TRIM24: variants seen among roughly 807,000 people sequenced by gnomAD.
The protein encoded by TRIM24 is transcription intermediary factor 1-alpha.
Under a neutral mutation model 123.9 loss-of-function variants are expected in TRIM24, and 29 were observed. That is an observed-to-expected ratio of 0.23 (90% CI 0.17 to 0.32). TRIM24 has a LOEUF of 0.32. Among genes scored for constraint, TRIM24 ranks in the 10% least tolerant of loss-of-function variants. TRIM24 has a pLI of 1.00. For synonymous variants in TRIM24, 456 were observed against 461.1 expected, an observed-to-expected ratio of 0.99 and a Z score of 0.14; for missense variants, 932 against 1,295.3, an observed-to-expected ratio of 0.72 and a Z score of 4.31.
chr7:138,492,194 C>T (rs1331720171), intron 1 of TRIM24, among the ~76,000 whole-genome samples: 1 of 141,720 alleles, frequency 7.1e-6, no homozygotes, highest in Non-Finnish European at 1.5e-5. Flanking sequence ...AACACTTGAG[C>T]CTAGGAGGTG....
chr7:138,486,885 G>A (rs1030586378), intron 1 of TRIM24, among the ~76,000 whole-genome samples: 1 of 152,174 alleles, frequency 6.6e-6, no homozygotes, highest in Non-Finnish European at 1.5e-5. Context: ...ACAGTCATTG[G>A]TAACTTGATG....
At chr7:138,571,073 T>C (rs914230910) in intron 11 of TRIM24, 70 bp downstream of exon 11, 5 of 1,489,580 alleles carry the variant, frequency 3.4e-6, no homozygotes, top group Non-Finnish European at 4.6e-6. Context: ...CTCACTCCTG[T>C]AATCCCAGCA....
intron 1 of TRIM24, among the ~76,000 whole-genome samples, chr7:138,489,438 A>G (rs1283252894): frequency 1.3e-5 from 2 of 152,156 alleles, no homozygotes; most frequent in African/African-American, 4.8e-5. Flanking sequence ...GTTTCTTCCT[A>G]GCATCGATGG....
intron 1 of TRIM24, among the ~76,000 whole-genome samples, chr7:138,468,835 T>C (rs1795208362): frequency 6.6e-6 from 1 of 152,226 alleles, no homozygotes; most frequent in African/African-American, 2.4e-5. Context: ...TTCAGCTCCC[T>C]TCTCCCAAGT....
intron 7 of TRIM24, among the ~76,000 whole-genome samples, chr7:138,543,883 A>G (rs754760724): frequency 2.0e-5 from 3 of 152,100 alleles, no homozygotes; most frequent in Non-Finnish European, 2.9e-5. Flanking sequence ...CGCCTAGGCT[A>G]GAGTGCAGTG....
intron 1 of TRIM24, chr7:138,461,375 T>C (rs1794968384): frequency 5.0e-6 from 2 of 403,802 alleles, no homozygotes; most frequent in African/African-American, 2.1e-5. Context: ...GGGATGAAGA[T>C]GAAGTGATGG....
chr7:138,514,328 G>A (rs1326850758), intron 2 of TRIM24: 1 of 152,186 alleles, frequency 6.6e-6, no homozygotes, highest in Admixed American at 6.5e-5. Flanking sequence ...TGTAGCCATT[G>A]TGACATAAAA....
At position 138,575,249 on chromosome 7, in the gene TRIM24, A is replaced by G. The variant is rs576907151; in HGVS notation, c.2015-1124A>G. Among the ~76,000 whole-genome samples, 7 of 152,302 alleles carry G rather than the reference A, an allele frequency of 4.6e-5. No homozygotes were observed. In the East Asian group the frequency reaches 1.2e-3, roughly 25 times the overall value. On this transcript the variant is annotated intron_variant, in intron 12 of 18. Transcript: ENST00000343526. ...ATGTTATATATTTTTATAGTTTTCA[A>G]CTATTCTAAAATGAAGCATGTATTC...
chr7:138,489,445 ATGGTCT>A (rs1307811123), intron 1 of TRIM24, among the ~76,000 whole-genome samples: 1 of 152,128 alleles, frequency 6.6e-6, no homozygotes, highest in Non-Finnish European at 1.5e-5. Context: ...CCTAGCATCG[ATGGTCT>A]TTACAATTTG....
intron 6 of TRIM24, 151 bp from the exon 7 acceptor site, chr7:138,538,506 C>T: frequency 1.1e-6 from 1 of 891,740 alleles, no homozygotes; most frequent in Non-Finnish European, 1.7e-6. Context: ...GAAAGTGATC[C>T]TTTATACTAA....
intron 1 of TRIM24, among the ~76,000 whole-genome samples, chr7:138,503,329 A>G (rs1796080627): frequency 6.6e-6 from 1 of 152,152 alleles, no homozygotes. Context: ...CATCATGAAC[A>G]TGCTTTCTTC....
At chr7:138,513,712 T>G (rs999723501) in intron 2 of TRIM24, among the ~76,000 whole-genome samples, 2 of 152,182 alleles carry the variant, frequency 1.3e-5, no homozygotes, top group Non-Finnish European at 2.9e-5. Context: ...CAGTTCAGCA[T>G]GAGATTTGGG....
intron 7 of TRIM24, among the ~76,000 whole-genome samples, chr7:138,539,734 T>C (rs1796964618): frequency 6.6e-6 from 1 of 152,006 alleles, no homozygotes; most frequent in South Asian, 2.1e-4. Flanking sequence ...TTATAAATAC[T>C]GTAGTGTAAC....
At chr7:138,525,782 G>A (rs1277678575) in intron 5 of TRIM24, among the ~76,000 whole-genome samples, 4 of 152,088 alleles carry the variant, frequency 2.6e-5, no homozygotes, top group Admixed American at 2.6e-4. Context: ...CAAACAGGTG[G>A]AAATTTTAAG....
chr7:138,553,101 G>C (rs1797244780), intron 8 of TRIM24, among the ~76,000 whole-genome samples: 3 of 152,178 alleles, frequency 2.0e-5, no homozygotes, highest in Admixed American at 2.0e-4. Flanking sequence ...GGATCTCCTA[G>C]TCTAATAGTT....
intron 2 of TRIM24, among the ~76,000 whole-genome samples, chr7:138,508,690 T>TGCGCGCGCGCGC (rs371514737): frequency 4.7e-5 from 5 of 106,094 alleles, no homozygotes; most frequent in Admixed American, 2.0e-4. Flanking sequence ...TGTGTGTGTG[T>TGCGCGCGCGCGC]GTGCGCGCGC....
intron 3 of TRIM24, among the ~76,000 whole-genome samples, chr7:138,516,345 G>T (rs1480307347): frequency 1.3e-5 from 2 of 152,054 alleles, no homozygotes; most frequent in Non-Finnish European, 2.9e-5. Context: ...TCTTCCCCTA[G>T]CTCCTAGTAA....
chr7:138,523,478 G>A lies in TRIM24; in HGVS notation c.765-1763G>A, dbSNP rs759057212. Among the ~76,000 whole-genome samples the A allele has an allele frequency of 8.3e-4, 126 of 152,122 alleles. 1 individual carries two copies. Among genetic ancestry groups the A allele is most frequent in the Non-Finnish European group, 1.3e-3 (87 of 68,024 alleles). ...AAGGCAAAAATAGCCCCTTTTGGCC[G>A]GGCGAGGTGGCTCACGCCTGTAATC... On this transcript the variant is annotated intron_variant, in intron 4 of 18. Coordinates refer to ENST00000343526, the MANE Select transcript of TRIM24 (RefSeq NM_015905.3).
At position 138,519,276 on chromosome 7, in the gene TRIM24, A is replaced by G. The variant is rs1367169068; in HGVS notation, c.719A>G (p.Lys240Arg). Reference protein sequence around the residue: ...QLKLYCETCDKLTCRDCQLLE... With the variant: ...QLKLYCETCDRLTCRDCQLLE... ...AAGCTGTACTGTGAGACATGTGACAAACTGACATGTCGAGACTGTCAGTTG... is the reference window on the plus strand; with the variant it reads ...AAGCTGTACTGTGAGACATGTGACAGACTGACATGTCGAGACTGTCAGTTG... The change falls in exon 4 of 19, where the codon AAA (lysine) becomes AGA (arginine). Residue 240 changes from lysine to arginine, a missense_variant. Physicochemically the swap from Lys to Arg is conservative, Grantham distance 26. Around this residue, in one of 7 missense-constraint regions of TRIM24, gnomAD observed 74 missense variants for 163.6 expected, o/e 0.45. Coordinates refer to ENST00000343526, the MANE Select transcript of TRIM24 (RefSeq NM_015905.3). 2 of 1,613,656 alleles carry G rather than the reference A, an allele frequency of 1.2e-6. No individual in the cohort carries two copies. Among genetic ancestry groups the G allele is most frequent in the African/African-American group, 1.3e-5 (1 of 74,906 alleles).
Sources: gnomAD v4.1 joint callset for allele counts (sites outside exome capture counted in the v4.1 genomes callset) on GRCh38, gnomAD v4.1.1 for gene constraint, gnomAD v4.1.1 regional missense constraint, MANE v1.5 for transcripts, NCBI Gene and HGNC (gene_info 2026-07-23, HGNC 2026-07-21) for gene names.